INPP4B: variants seen among roughly 807,000 people sequenced by gnomAD.
The protein encoded by INPP4B is inositol polyphosphate 4-phosphatase type II.
INPP4B carries 55 observed loss-of-function variants against 122.5 expected under a neutral mutation model. The observed-to-expected ratio is 0.45, with a 90% CI of 0.36 to 0.56. The LOEUF (loss-of-function observed/expected upper bound fraction) is 0.56. INPP4B is among the 20% of genes least tolerant of loss of function. The pLI is 0.00. For synonymous variants in INPP4B, 403 were observed against 388.7 expected, an observed-to-expected ratio of 1.04 and a Z score of -0.43; for missense variants, 1,000 against 1,097.7, an observed-to-expected ratio of 0.91 and a Z score of 1.26.
intron 2 of INPP4B, among the ~76,000 whole-genome samples, chr4:142,595,228 C>T (rs1738447975): frequency 1.3e-5 from 2 of 151,418 alleles, no homozygotes; most frequent in Non-Finnish European, 2.9e-5. Flanking sequence ...GTGGTATTTC[C>T]TCTCCCTGCC....
chr4:142,223,262 A>C (rs1338213437), intron 12 of INPP4B, among the ~76,000 whole-genome samples: 1 of 152,070 alleles, frequency 6.6e-6, no homozygotes, highest in Non-Finnish European at 1.5e-5. Context: ...TTGATCACTC[A>C]ATTACTATAG....
At chr4:142,192,850 T>C (rs1845974) in intron 15 of INPP4B, among the ~76,000 whole-genome samples, 132,428 of 152,036 alleles carry the variant, frequency 0.87, 58,455 homozygotes, top group East Asian at 0.96. Context: ...CTTAGTCATA[T>C]GACTTCCAGA....
In INPP4B at chr4:142,543,683, A is replaced by G. The variant is rs577000792; in HGVS notation, c.-190-80957T>C. On this transcript the variant is annotated intron_variant, in intron 2 of 25. Coordinates refer to ENST00000262992, the MANE Select transcript of INPP4B (RefSeq NM_001101669.3). The stretch of plus-strand genomic sequence containing the variant: ...CCTTTTTAAATCTTAACTATTACCC[A>G]AAGTTTGAATTCCATAAGACTTATT... Among the ~76,000 whole-genome samples the G allele has an allele frequency of 1.5e-3, 221 of 152,262 alleles. 2 individuals carry two copies. The highest frequency in any genetic ancestry group is 5.1e-3 in the African/African-American group (210 of 41,562).
intron 7 of INPP4B, among the ~76,000 whole-genome samples, chr4:142,325,250 A>C (rs1238351518): frequency 6.6e-6 from 1 of 152,230 alleles, no homozygotes; most frequent in Non-Finnish European, 1.5e-5. Context: ...TAAGCTAAGA[A>C]ATCTTCCAAA....
At chr4:142,433,608 G>A (rs913081345) in intron 3 of INPP4B, among the ~76,000 whole-genome samples, 4 of 152,120 alleles carry the variant, frequency 2.6e-5, no homozygotes, top group Non-Finnish European at 5.9e-5. Context: ...ATACAAGAAG[G>A]TTATTATTAA....
intron 8 of INPP4B, among the ~76,000 whole-genome samples, chr4:142,310,559 A>T (rs1333024924): frequency 6.6e-6 from 1 of 152,150 alleles, no homozygotes; most frequent in Non-Finnish European, 1.5e-5. Flanking sequence ...AAAACAACAC[A>T]TAGGAACTAT....
chr4:142,198,040 T>C (rs987194572), intron 14 of INPP4B, among the ~76,000 whole-genome samples: 1 of 152,142 alleles, frequency 6.6e-6, no homozygotes, highest in Non-Finnish European at 1.5e-5. Flanking sequence ...TGTAGATGTT[T>C]ATTTCTAAAA....
At chr4:142,219,071 T>C (rs189974398) in intron 12 of INPP4B, among the ~76,000 whole-genome samples, 34 of 152,286 alleles carry the variant, frequency 2.2e-4, no homozygotes, top group African/African-American at 7.0e-4. Context: ...TAAATGACAA[T>C]GTGGTTAATG....
intron 1 of INPP4B, chr4:142,765,774 T>A (rs1772024165): frequency 6.6e-6 from 1 of 151,850 alleles, no homozygotes; most frequent in Admixed American, 6.6e-5. Context: ...ATTTTTCTGA[T>A]CATCATCTCT....
chr4:142,268,567 A>G lies in INPP4B; in HGVS notation c.615+2096T>C, dbSNP rs533932528. The stretch of plus-strand genomic sequence containing the variant: ...AGATATCTGCACTCATGTTCACTGC[A>G]ACATTACTCACAATAACTAAGATGT... On this transcript the variant is annotated intron_variant, in intron 10 of 25. Coordinates refer to ENST00000262992, the MANE Select transcript of INPP4B (RefSeq NM_001101669.3). 2.0e-5 allele frequency among the ~76,000 whole-genome samples: 3 copies of G among 152,102 alleles called. No homozygotes were observed. In the East Asian group the frequency reaches 5.8e-4, roughly 29 times the overall value.
chr4:142,530,252 T>A (rs1417661070), intron 2 of INPP4B, among the ~76,000 whole-genome samples: 1 of 152,072 alleles, frequency 6.6e-6, no homozygotes, highest in Non-Finnish European at 1.5e-5. Context: ...CTAAACTCAG[T>A]GTGTCAGCAT....
In INPP4B at chr4:142,108,162, T is replaced by C; in HGVS notation, c.2305A>G (p.Ile769Val). The change falls in exon 23 of 26, where the codon ATT (isoleucine) becomes GTT (valine). Residue 769 changes from isoleucine to valine, a missense_variant. Coordinates refer to ENST00000262992, the MANE Select transcript of INPP4B (RefSeq NM_001101669.3). The stretch of plus-strand genomic sequence containing the variant: ...AGAAGTTCGAAGTTTTCCTGATTAA[T>C]ACTTTCTTGCAAAGAGACATCTCCA... ...RFGDVSLQES[I>V]NQENFELLQE... The C allele has an allele frequency of 1.9e-6, 3 of 1,601,014 alleles. No homozygotes were observed. Among genetic ancestry groups the C allele is most frequent in the Non-Finnish European group, 2.6e-6 (3 of 1,169,160 alleles).
intron 2 of INPP4B, among the ~76,000 whole-genome samples, chr4:142,500,133 T>C (rs886372088): frequency 1.3e-5 from 2 of 152,178 alleles, no homozygotes; most frequent in Non-Finnish European, 2.9e-5. Context: ...GGGAGGCTAA[T>C]GAACTTTTCT....
intron 1 of INPP4B, among the ~76,000 whole-genome samples, chr4:142,759,479 A>G (rs1020623566): frequency 2.0e-5 from 3 of 152,102 alleles, no homozygotes; most frequent in Admixed American, 6.6e-5. Context: ...TATCAACTCA[A>G]AATGAATTAC....
chr4:142,342,809 G>A (rs959254393), intron 7 of INPP4B, among the ~76,000 whole-genome samples: 5 of 151,982 alleles, frequency 3.3e-5, no homozygotes, highest in South Asian at 2.1e-4. Flanking sequence ...TCTCTGAAAC[G>A]GAGCTTTATT....
intron 1 of INPP4B, among the ~76,000 whole-genome samples, chr4:142,820,756 T>C (rs1780702630): frequency 1.3e-5 from 2 of 152,150 alleles, no homozygotes; most frequent in Non-Finnish European, 2.9e-5. Flanking sequence ...AATGCTTTAT[T>C]CAAATGAATG....
At chr4:142,490,930 A>C (rs555323450) in intron 2 of INPP4B, among the ~76,000 whole-genome samples, 5 of 152,290 alleles carry the variant, frequency 3.3e-5, no homozygotes, top group Admixed American at 2.6e-4. Flanking sequence ...ATAATACTTC[A>C]TTGTGTATAT....
At chr4:142,165,576 C>T (rs930566957) in intron 16 of INPP4B, among the ~76,000 whole-genome samples, 8 of 151,702 alleles carry the variant, frequency 5.3e-5, no homozygotes, top group African/African-American at 1.9e-4. Context: ...AGAAGCATTA[C>T]TTTTATTTTG....
At position 142,524,280 on chromosome 4, in the gene INPP4B, A is replaced by C. The variant is rs555295426; in HGVS notation, c.-190-61554T>G. Among the ~76,000 whole-genome samples, 6 of 152,222 alleles carry C rather than the reference A, an allele frequency of 3.9e-5. No homozygotes were observed. In the South Asian group the frequency reaches 1.2e-3, roughly 32 times the overall value. ...TAGTTTACAGTCCCACCAACAGTGT[A>C]AAAGTGTTCCTATTTCTCCACATCC... On this transcript the variant is annotated intron_variant, in intron 2 of 25. Transcript: ENST00000262992.
Sources: allele counts gnomAD v4.1 joint callset (sites outside exome capture counted in the v4.1 genomes callset), GRCh38; gene constraint gnomAD v4.1.1; transcripts MANE v1.5; gene names NCBI Gene and HGNC (gene_info 2026-07-23, HGNC 2026-07-21).